WWOX: variants seen among roughly 807,000 people sequenced by gnomAD.
WWOX encodes WW domain-containing oxidoreductase.
A neutral mutation model predicts 46.2 loss-of-function variants in WWOX; 69 were observed. The observed-to-expected ratio is 1.49, with a 90% CI of 1.23 to 1.82. The LOEUF is 1.82. Among genes scored for constraint, WWOX ranks in the 40% most tolerant of loss-of-function variants. WWOX has a pLI of 0.00. For synonymous variants in WWOX, 359 were observed against 202.6 expected (o/e 1.77, Z -6.56); for missense variants, 919 against 542.6 (o/e 1.69, Z -6.89).
intron 8 of WWOX, among the ~76,000 whole-genome samples, chr16:79,104,122 G>T (rs2049260794): frequency 6.6e-6 from 1 of 151,514 alleles, no homozygotes; most frequent in African/African-American, 2.4e-5. Context: ...GCCCTGGGAG[G>T]CTCTAAAGCT....
rs971611126 is a variant in WWOX, at chr16:79,153,755, G to A, written c.1057-57853G>A. Among the ~76,000 whole-genome samples, 11 of 152,134 alleles carry A rather than the reference G, an allele frequency of 7.2e-5. No homozygotes were observed. The East Asian group carries it at 1.7e-3, about 24-fold the overall frequency. ...AACCTTTAGTATCATCTGTTTTTTG[G>A]GGGGGGTTTTTTGTTGTTGTTGTTT... On this transcript the variant is annotated intron_variant, in intron 8 of 8. Transcript: ENST00000566780.
chr16:78,542,351 T>A (rs745639082), intron 8 of WWOX, among the ~76,000 whole-genome samples: 1 of 152,112 alleles, frequency 6.6e-6, no homozygotes, highest in Non-Finnish European at 1.5e-5. Context: ...GAACATCATG[T>A]AGAATCTGAA....
chr16:78,857,336 A>C (rs1000922323), intron 8 of WWOX, among the ~76,000 whole-genome samples: 1 of 152,248 alleles, frequency 6.6e-6, no homozygotes, highest in Admixed American at 6.5e-5. Context: ...TGACATTGGC[A>C]AAAGTTAAGA....
chr16:78,320,287 C>A (rs758306363), intron 5 of WWOX, among the ~76,000 whole-genome samples: 1 of 152,164 alleles, frequency 6.6e-6, no homozygotes, highest in Non-Finnish European at 1.5e-5. Flanking sequence ...ATTTTACCTG[C>A]ATTTACTCAA....
chr16:79,104,037 T>TGGGGGGG (rs58934537), intron 8 of WWOX, among the ~76,000 whole-genome samples: 19 of 38,374 alleles, frequency 5.0e-4, no homozygotes, highest in African/African-American at 5.5e-4. Flanking sequence ...TGCCCTTTTT[T>TGGGGGGG]GGGGGGGGGG....
At chr16:78,703,817 G>T (rs1401371183) in intron 8 of WWOX, among the ~76,000 whole-genome samples, 1 of 151,912 alleles carries the variant, frequency 6.6e-6, no homozygotes, top group Non-Finnish European at 1.5e-5. Context: ...TGAGTTGCTG[G>T]TACTGCTGTG....
chr16:78,517,601 A>G (rs2043263904), intron 8 of WWOX, among the ~76,000 whole-genome samples: 1 of 152,114 alleles, frequency 6.6e-6, no homozygotes, highest in African/African-American at 2.4e-5. Flanking sequence ...GTGGAAACTG[A>G]AGTATCCCTC....
chr16:79,061,992 C>T (rs1468260635), intron 8 of WWOX, among the ~76,000 whole-genome samples: 2 of 152,130 alleles, frequency 1.3e-5, no homozygotes, highest in Non-Finnish European at 2.9e-5. Context: ...TTTCACAGCC[C>T]CTCCCCACCT....
At chr16:78,473,813 C>T (rs570720842) in intron 8 of WWOX, among the ~76,000 whole-genome samples, 1 of 152,232 alleles carries the variant, frequency 6.6e-6, no homozygotes, top group African/African-American at 2.4e-5. Flanking sequence ...CAAGAGTCAC[C>T]TCTAAGATGA....
At chr16:78,151,199 C>G (rs567794706) in intron 4 of WWOX, among the ~76,000 whole-genome samples, 1 of 152,138 alleles carries the variant, frequency 6.6e-6, no homozygotes, top group East Asian at 1.9e-4. Context: ...TTTAGGAGCT[C>G]TGTGCCAGGA....
chr16:78,214,262 T>A (rs189548880), intron 5 of WWOX, among the ~76,000 whole-genome samples: 21 of 152,278 alleles, frequency 1.4e-4, no homozygotes, highest in Non-Finnish European at 2.6e-4. Context: ...GGGTCCTAGT[T>A]CAAGCTAATT....
chr16:78,429,393 C>G (rs550571184), intron 7 of WWOX, among the ~76,000 whole-genome samples: 59 of 152,320 alleles, frequency 3.9e-4, no homozygotes, highest in Admixed American at 1.8e-3. Context: ...CTTTCATTCT[C>G]TCCCTGACTT....
Position 78,346,445 on chromosome 16 carries a change from G to C in WWOX, c.517-40415G>C, listed in dbSNP as rs368384250. 2.5e-5 allele frequency among the ~76,000 whole-genome samples: 3 copies of C among 119,376 alleles called. 1 individual carries two copies. The highest frequency in any genetic ancestry group is 6.0e-5 in the Non-Finnish European group (3 of 50,076). The allele number at this position is 119,376 out of a possible 152,430, so 78.3% of individuals were successfully genotyped here. A position where few individuals can be genotyped will look rare whatever the true frequency, so the allele number is the denominator to read the frequency against. ...TGGAATGGGCAGGGTGGTCCGTATA[G>C]GGCTATGTATAACTTTTTAAGAGGT... On this transcript the variant is annotated intron_variant, in intron 5 of 8. Transcript: ENST00000566780.
chr16:78,336,676 A>T (rs2080896641), intron 5 of WWOX, among the ~76,000 whole-genome samples: 2 of 152,098 alleles, frequency 1.3e-5, no homozygotes, highest in South Asian at 4.1e-4. Context: ...CCATGGGGGA[A>T]CATAGACCCA....
chr16:78,354,159 T>G (rs55822922), intron 5 of WWOX, among the ~76,000 whole-genome samples: 46,764 of 152,012 alleles, frequency 0.31, 7,957 homozygotes, highest in African/African-American at 0.46. Context: ...GCTTTGTGTT[T>G]TGGTTTTTAT....
intron 8 of WWOX, among the ~76,000 whole-genome samples, chr16:78,726,161 C>G (rs988996908): frequency 9.7e-5 from 13 of 133,932 alleles, no homozygotes; most frequent in Non-Finnish European, 1.6e-4. Context: ...CTTTCTCTTT[C>G]TGTGTCTCTC....
intron 8 of WWOX, among the ~76,000 whole-genome samples, chr16:79,071,690 C>G (rs937090450): frequency 1.3e-5 from 2 of 152,234 alleles, no homozygotes; most frequent in African/African-American, 4.8e-5. Flanking sequence ...CCCCGCATTC[C>G]CCTTCACGTT....
chr16:78,899,922 G>T (rs1372040066), intron 8 of WWOX, among the ~76,000 whole-genome samples: 2 of 152,128 alleles, frequency 1.3e-5, no homozygotes, highest in African/African-American at 4.8e-5. Flanking sequence ...AATTAAGTCT[G>T]CAGGTGTTCC....
At position 78,261,407 on chromosome 16, in the gene WWOX, A is replaced by AAAATAAATAAATAAAT. The variant is rs140119556; in HGVS notation, c.516+97132_516+97147dup. 2.2e-3 allele frequency among the ~76,000 whole-genome samples: 316 copies of AAAATAAATAAATAAAT among 146,142 alleles called. 7 individuals are homozygous for AAAATAAATAAATAAAT. The highest frequency in any genetic ancestry group is 7.3e-3 in the African/African-American group (287 of 39,500). ...GCGACAGAGCAAGACCCTGTCTCTA[A>AAAATAAATAAATAAAT]AAATAAATAAATAAATAAATAAATA... is the stretch of plus-strand genomic sequence containing the variant. On this transcript the variant is annotated intron_variant, in intron 5 of 8. Coordinates refer to ENST00000566780, the MANE Select transcript of WWOX (RefSeq NM_016373.4).
Sources: allele counts gnomAD v4.1 joint callset (sites outside exome capture counted in the v4.1 genomes callset), GRCh38; gene constraint gnomAD v4.1.1; transcripts MANE v1.5; gene names NCBI Gene and HGNC (gene_info 2026-07-23, HGNC 2026-07-21).